The following TENM2 variants were observed in gnomAD, a reference collection of about 807,000 sequenced individuals.
TENM2 encodes the protein teneurin transmembrane protein 2, also known as teneurin-2.
TENM2 carries 52 observed loss-of-function variants against 245.2 expected under a neutral mutation model. The observed-to-expected ratio is 0.21, with a 90% CI of 0.17 to 0.27. TENM2 has a LOEUF of 0.27. Ranked by LOEUF, TENM2 falls within the 10% of genes least tolerant of loss-of-function variation. TENM2 has a pLI of 1.00. For synonymous variants in TENM2, 1,363 were observed against 1,438.9 expected (o/e 0.95, Z 1.19); for missense variants, 3,046 against 3,666.8 (o/e 0.83, Z 4.37).
chr5:167,199,786 G>A, the TENM2 span, among the ~76,000 whole-genome samples: 2 of 152,076 alleles, frequency 1.3e-5, no homozygotes, highest in Non-Finnish European at 2.9e-5. Context: ...CGAGCTCCTA[G>A]AAAGAAGAGA....
chr5:167,388,682 A>G (rs888269116), intron 2 of TENM2, among the ~76,000 whole-genome samples: 1 of 152,024 alleles, frequency 6.6e-6, no homozygotes, highest in African/African-American at 2.4e-5. Context: ...GCTGTGTCCC[A>G]GAGGTTTTGA....
chr5:167,534,569 A>T (rs1771727665), intron 2 of TENM2, among the ~76,000 whole-genome samples: 2 of 152,248 alleles, frequency 1.3e-5, no homozygotes, highest in Non-Finnish European at 1.5e-5. Flanking sequence ...CCTATATTTT[A>T]TCTGGCAACT....
chr5:167,113,298 G>C, the TENM2 span, among the ~76,000 whole-genome samples: 1 of 152,108 alleles, frequency 6.6e-6, no homozygotes, highest in Non-Finnish European at 1.5e-5. Flanking sequence ...TCCTTATTTT[G>C]TGTCTGTCTC....
chr5:167,820,077 C>T (rs1436170432), intron 2 of TENM2, among the ~76,000 whole-genome samples: 1 of 152,138 alleles, frequency 6.6e-6, no homozygotes, highest in East Asian at 1.9e-4. Flanking sequence ...TTATCTGAAC[C>T]TTCCTCCCTG....
intron 2 of TENM2, among the ~76,000 whole-genome samples, chr5:167,874,707 T>C (rs1773270673): frequency 6.6e-6 from 1 of 152,170 alleles, no homozygotes; most frequent in African/African-American, 2.4e-5. Context: ...AAAGTATAGG[T>C]GGTGATTGTC....
intron 5 of TENM2, among the ~76,000 whole-genome samples, chr5:168,017,581 T>A (rs374402559): frequency 6.6e-6 from 1 of 152,246 alleles, no homozygotes; most frequent in East Asian, 1.9e-4. Flanking sequence ...TTGAATAACA[T>A]CTGTGGCTAT....
chr5:167,121,635 G>A, the TENM2 span, among the ~76,000 whole-genome samples: 6 of 152,304 alleles, frequency 3.9e-5, no homozygotes, highest in Admixed American at 2.0e-4. Flanking sequence ...GCCCCAGGCC[G>A]TCAAAAGTGA....
intron 2 of TENM2, among the ~76,000 whole-genome samples, chr5:167,423,808 A>C (rs1383369591): frequency 6.6e-6 from 1 of 152,150 alleles, no homozygotes; most frequent in African/African-American, 2.4e-5. Flanking sequence ...TTCAATATCA[A>C]GTGTTCTGAA....
At chr5:168,025,594 G>A (rs1046307660) in intron 5 of TENM2, among the ~76,000 whole-genome samples, 4 of 152,330 alleles carry the variant, frequency 2.6e-5, no homozygotes, top group Middle Eastern at 6.8e-3. Context: ...TTGGGAAATA[G>A]GGTAGGATAC....
chr5:167,776,617 A>AAAAAAC (rs1763812309), intron 2 of TENM2, among the ~76,000 whole-genome samples: 2 of 99,422 alleles, frequency 2.0e-5, no homozygotes, highest in African/African-American at 8.9e-5. Context: ...AAAAAAAAAA[A>AAAAAAC]AAAAAAAAAC....
chr5:167,828,665 ATATT>A (rs1201464246), intron 2 of TENM2, among the ~76,000 whole-genome samples: 2 of 152,224 alleles, frequency 1.3e-5, no homozygotes, highest in Admixed American at 6.5e-5. Context: ...ACGAAAAAAT[ATATT>A]TATTTTTCAA....
chr5:168,062,384 A>T, intron 7 of TENM2, 119 bp downstream of exon 9: 2 of 820,602 alleles, frequency 2.4e-6, no homozygotes, highest in Non-Finnish European at 3.8e-6. Context: ...GGACAATAAA[A>T]ATGTTGGCGA....
At chr5:167,588,855 A>T in intron 2 of TENM2, among the ~76,000 whole-genome samples, 1 of 152,216 alleles carries the variant, frequency 6.6e-6, no homozygotes, top group East Asian at 1.9e-4. Flanking sequence ...CATTTAATTC[A>T]TCTTGTCTGT....
intron 2 of TENM2, among the ~76,000 whole-genome samples, chr5:167,498,715 T>C (rs1768976711): frequency 6.6e-6 from 1 of 152,098 alleles, no homozygotes; most frequent in Non-Finnish European, 1.5e-5. Flanking sequence ...CTCTCAAGGA[T>C]GATGACAAAA....
chr5:167,443,039 G>A (rs2127462024), intron 2 of TENM2, among the ~76,000 whole-genome samples: 1 of 152,290 alleles, frequency 6.6e-6, no homozygotes, highest in Non-Finnish European at 1.5e-5. Context: ...ACAGAAGTTT[G>A]CCAATGCACA....
intron 1 of TENM2, among the ~76,000 whole-genome samples, chr5:167,338,767 G>A (rs1287173390): frequency 6.6e-6 from 1 of 152,172 alleles, no homozygotes; most frequent in Admixed American, 6.5e-5. Flanking sequence ...AGTTCTGGAG[G>A]CTAGAAGTCT....
chr5:167,207,301 C>T, the TENM2 span, among the ~76,000 whole-genome samples: 9 of 152,274 alleles, frequency 5.9e-5, no homozygotes, highest in African/African-American at 2.2e-4. Flanking sequence ...GAACGGGACA[C>T]GCCCCAAGCC....
intron 2 of TENM2, among the ~76,000 whole-genome samples, chr5:167,415,313 A>C (rs1478605680): frequency 6.6e-6 from 1 of 152,260 alleles, no homozygotes; most frequent in African/African-American, 2.4e-5. Flanking sequence ...CATTCAAATA[A>C]ATGATATATG....
chr5:167,638,834 A>G (rs755842555), intron 2 of TENM2, among the ~76,000 whole-genome samples: 3 of 152,206 alleles, frequency 2.0e-5, no homozygotes, highest in Non-Finnish European at 4.4e-5. Context: ...GATCCACTTC[A>G]TTATGTATAA....
Sources: allele counts gnomAD v4.1 joint callset (sites outside exome capture counted in the v4.1 genomes callset), GRCh38; gene constraint gnomAD v4.1.1; transcripts MANE v1.5; gene names NCBI Gene and HGNC (gene_info 2026-07-23, HGNC 2026-07-21).